Variants in RBFOX1 observed in about 807,000 individuals in gnomAD.
The protein encoded by RBFOX1 is RNA binding protein fox-1 homolog 1.
A neutral mutation model predicts 57.7 loss-of-function variants in RBFOX1; 8 were observed. That is an observed-to-expected ratio of 0.14 (90% CI 0.08 to 0.25). The LOEUF (loss-of-function observed/expected upper bound fraction) is 0.25, where lower values mean the gene tolerates loss of function less well. Ranked by LOEUF, RBFOX1 falls within the 10% of genes least tolerant of loss-of-function variation. RBFOX1 has a pLI of 1.00. For synonymous variants in RBFOX1, 326 were observed against 222.4 expected, an observed-to-expected ratio of 1.47 and a Z score of -4.15; for missense variants, 611 against 548.5, an observed-to-expected ratio of 1.11 and a Z score of -1.14.
intron 3 of RBFOX1, among the ~76,000 whole-genome samples, chr16:7,022,615 A>C (rs2039641777): frequency 6.6e-6 from 1 of 152,148 alleles, no homozygotes; most frequent in African/African-American, 2.4e-5. Context: ...GTTGTGAGCC[A>C]AGCACTGCAG....
At chr16:7,083,130 T>G (rs1178802481) in intron 4 of RBFOX1, among the ~76,000 whole-genome samples, 1 of 152,174 alleles carries the variant, frequency 6.6e-6, no homozygotes, top group Non-Finnish European at 1.5e-5. Flanking sequence ...GAATCATCAA[T>G]TTGGTTATGA....
intron 5 of RBFOX1, among the ~76,000 whole-genome samples, chr16:7,570,503 C>T (rs1038391548): frequency 6.6e-6 from 1 of 152,158 alleles, no homozygotes; most frequent in Non-Finnish European, 1.5e-5. Context: ...CACCAGTACC[C>T]TGGACCCACA....
intron 3 of RBFOX1, among the ~76,000 whole-genome samples, chr16:6,876,183 TC>T (rs199796548): frequency 0.012 from 1,829 of 151,454 alleles, 22 homozygotes; most frequent in Non-Finnish European, 0.02. Flanking sequence ...AAGGACCCTC[TC>T]AAAAAAAACA....
intron 1 of RBFOX1, among the ~76,000 whole-genome samples, chr16:5,425,192 G>A (rs1307043143): frequency 1.3e-5 from 2 of 151,240 alleles, no homozygotes; most frequent in Admixed American, 1.3e-4. Flanking sequence ...TGCAACCTCC[G>A]ACTCCTTGGT....
chr16:6,437,169 A>T (rs1248035331), intron 2 of RBFOX1, among the ~76,000 whole-genome samples: 1 of 152,184 alleles, frequency 6.6e-6, no homozygotes, highest in African/African-American at 2.4e-5. Flanking sequence ...CACCCACAGC[A>T]TGTCAGTGAA....
chr16:6,862,605 A>C (rs1023779373), intron 3 of RBFOX1, among the ~76,000 whole-genome samples: 2 of 152,196 alleles, frequency 1.3e-5, no homozygotes, highest in African/African-American at 2.4e-5. Flanking sequence ...CAGGCAGAGG[A>C]AGTGACATGA....
At chr16:7,564,308 G>T (rs1218191011) in intron 5 of RBFOX1, among the ~76,000 whole-genome samples, 1 of 151,990 alleles carries the variant, frequency 6.6e-6, no homozygotes, top group African/African-American at 2.4e-5. Context: ...GGGACGCAGA[G>T]GTGGGTAGAT....
At chr16:5,720,358 C>G (rs977198079) in intron 3 of RBFOX1, among the ~76,000 whole-genome samples, 1 of 152,114 alleles carries the variant, frequency 6.6e-6, no homozygotes, top group African/African-American at 2.4e-5. Context: ...ATATTTTCTC[C>G]CATTCTACAG....
chr16:7,526,754 C>G (rs59139631), intron 5 of RBFOX1, among the ~76,000 whole-genome samples: 9,965 of 152,294 alleles, frequency 0.065, 516 homozygotes, highest in East Asian at 0.22. Context: ...ACAATCTCAA[C>G]TAATCTTGGC....
chr16:6,811,617 C>T (rs1341819719), intron 3 of RBFOX1, among the ~76,000 whole-genome samples: 2 of 152,164 alleles, frequency 1.3e-5, no homozygotes, highest in South Asian at 4.1e-4. Context: ...AGGCCAGTTA[C>T]GGTGCCTCAG....
intron 2 of RBFOX1, among the ~76,000 whole-genome samples, chr16:6,385,589 A>T (rs538064177): frequency 5.1e-4 from 78 of 152,286 alleles, no homozygotes; most frequent in African/African-American, 1.8e-3. Flanking sequence ...CAAACTCCTG[A>T]CCTTAAGTGA....
At chr16:7,035,095 G>A (rs774615064) in intron 3 of RBFOX1, among the ~76,000 whole-genome samples, 8 of 151,624 alleles carry the variant, frequency 5.3e-5, no homozygotes, top group African/African-American at 1.2e-4. Flanking sequence ...TGATCCACCC[G>A]TCTTGGCCTC....
chr16:5,341,502 A>T (rs1167014016), intron 1 of RBFOX1, among the ~76,000 whole-genome samples: 1 of 152,096 alleles, frequency 6.6e-6, no homozygotes, highest in African/African-American at 2.4e-5. Flanking sequence ...TTGGGGATGG[A>T]TTGGATGTGG....
chr16:7,482,932 T>G (rs2064377828), intron 4 of RBFOX1, among the ~76,000 whole-genome samples: 1 of 152,134 alleles, frequency 6.6e-6, no homozygotes, highest in South Asian at 2.1e-4. Context: ...TTTTTGACTT[T>G]ATCCTGGGTT....
intron 4 of RBFOX1, among the ~76,000 whole-genome samples, chr16:5,880,688 C>T (rs904452776): frequency 2.0e-5 from 3 of 152,164 alleles, no homozygotes; most frequent in Non-Finnish European, 2.9e-5. Flanking sequence ...AGATCCTAGA[C>T]TGAGGTCCCT....
intron 2 of RBFOX1, among the ~76,000 whole-genome samples, chr16:6,644,600 C>A (rs768765933): frequency 6.6e-6 from 1 of 152,188 alleles, no homozygotes; most frequent in East Asian, 1.9e-4. Flanking sequence ...GAGAACAATG[C>A]TGTGCCCAGG....
intron 14 of RBFOX1, chr16:7,693,501 T>G: frequency 2.9e-6 from 2 of 685,810 alleles, no homozygotes; most frequent in South Asian, 4.1e-5. Context: ...AGATCTTATA[T>G]CTTTGGAGTA....
chr16:7,694,892 CT>C (rs2078300681), intron 14 of RBFOX1, among the ~76,000 whole-genome samples: 1 of 152,130 alleles, frequency 6.6e-6, no homozygotes, highest in South Asian at 2.1e-4. Flanking sequence ...GAGCTTCTGC[CT>C]TCTGTTAACC....
At chr16:7,392,273 G>T (rs1304429799) in intron 4 of RBFOX1, among the ~76,000 whole-genome samples, 4 of 152,080 alleles carry the variant, frequency 2.6e-5, no homozygotes, top group African/African-American at 9.7e-5. Flanking sequence ...ACTTTCCCCT[G>T]TAGTCCCCTT....
Sources: allele counts gnomAD v4.1 joint callset (sites outside exome capture counted in the v4.1 genomes callset), GRCh38; gene constraint gnomAD v4.1.1; transcripts MANE v1.5; gene names NCBI Gene and HGNC (gene_info 2026-07-23, HGNC 2026-07-21).